The following ADH1B variants were observed in gnomAD, a reference collection of about 807,000 sequenced individuals.
The protein encoded by ADH1B is alcohol dehydrogenase 1B (class I), beta polypeptide.
A neutral mutation model predicts 34.6 loss-of-function variants in ADH1B; 29 were observed. The ratio of observed to expected loss-of-function variants is 0.84; its 90% confidence interval spans 0.62 to 1.14. The LOEUF is 1.14. Ranked by LOEUF, ADH1B falls within the 50% of genes most tolerant of loss-of-function variation. The pLI, the probability that ADH1B is intolerant of heterozygous loss-of-function variation, is 0.00. For missense variants in ADH1B, 424 were observed against 468.4 expected, an observed-to-expected ratio of 0.91 and a Z score of 0.87; for synonymous variants, 170 against 175.5, an observed-to-expected ratio of 0.97 and a Z score of 0.25.
rs191297695 is a variant in ADH1B at position 99,312,990 on chromosome 4, G to C, written c.828+831C>G. Reference sequence around the variant, plus strand: ...TGAGATACGTAGCTTTTAAATTCTGGGGGTTGGTAAAGTCTGTTGACTTTT... The same window carrying C: ...TGAGATACGTAGCTTTTAAATTCTGCGGGTTGGTAAAGTCTGTTGACTTTT... On this transcript the variant is annotated intron_variant, in intron 6 of 8. Coordinates refer to ENST00000305046, the MANE Select transcript of ADH1B (RefSeq NM_000668.6). 2.1e-3 allele frequency among the ~76,000 whole-genome samples: 319 copies of C among 152,164 alleles called. 1 individual carries two copies. The highest frequency in any genetic ancestry group is 7.6e-3 in the African/African-American group (317 of 41,518).
chr4:99,313,376 G>T (rs1487881677), intron 6 of ADH1B: 1 of 177,022 alleles, frequency 5.6e-6, no homozygotes, highest in African/African-American at 2.4e-5. Flanking sequence ...GCCTAAAATT[G>T]CTCATTTCCT....
At chr4:99,313,786 GAGGCAGAAATCT>G (rs923754714) in intron 6 of ADH1B, 23 bp downstream of exon 6, 8 of 1,613,828 alleles carry the variant, frequency 5.0e-6, no homozygotes, top group Non-Finnish European at 6.8e-6. Context: ...CCAGGTTGCA[GAGGCAGAAATCT>G]CAGGGCATGT....
rs1733628874 is a variant in ADH1B, at chr4:99,307,145, G to A, written c.*695C>T. 6.6e-6 allele frequency: 1 copy of A among 152,080 alleles called. No homozygotes were observed. The highest frequency in any genetic ancestry group is 6.6e-5 in the Admixed American group (1 of 15,258). The allele number at this position is 152,080 out of a possible 1,614,324, so 9.4% of individuals were successfully genotyped here. On this transcript the variant is annotated 3_prime_UTR_variant, in exon 9 of 9. Transcript: ENST00000305046. ...TTCAGTTTTTACAATTAGTAATTGA[G>A]GCTTTGTCATATGAAGCAAGAAATC...
chr4:99,313,449 A>G (rs887133879), intron 6 of ADH1B: 1 of 212,868 alleles, frequency 4.7e-6, no homozygotes, highest in Non-Finnish European at 9.2e-6. Flanking sequence ...AAATTGTTAA[A>G]CCATTTTTGT....
chr4:99,314,106 T>C, intron 5 of ADH1B, 25 bp from the exon 6 acceptor site: 2 of 1,610,656 alleles, frequency 1.2e-6, no homozygotes, highest in Non-Finnish European at 1.7e-6. Context: ...AATGCAAAAA[T>C]AGATTAAGTG....
chr4:99,312,061 T>C (rs188342160), intron 6 of ADH1B, among the ~76,000 whole-genome samples: 62 of 152,284 alleles, frequency 4.1e-4, no homozygotes, highest in African/African-American at 1.5e-3. Flanking sequence ...TTAAACATTG[T>C]TTTTTTACCT....
In ADH1B at chr4:99,305,926, A is replaced by G. The variant is rs1222224305; in HGVS notation, c.*1914T>C. On this transcript the variant is annotated 3_prime_UTR_variant, in exon 9 of 9. Coordinates refer to ENST00000305046, the MANE Select transcript of ADH1B (RefSeq NM_000668.6). ...TCAGTGTAAAAGCCGCAGAGCACCC[A>G]GCAACAGGTAGTGTCCCATGATGAT... The G allele has an allele frequency of 6.6e-6, 1 of 152,166 alleles. No individual in the cohort carries two copies. The highest frequency in any genetic ancestry group is 2.4e-5 in the African/African-American group (1 of 41,404). 9.4% of individuals were successfully genotyped at this position (152,166 alleles called of 1,614,324 possible).
rs545409469 is a variant in ADH1B, at chr4:99,311,586, T to G, written c.899A>C (p.Gln300Pro). ...SVIVGVPPAS[Q>P]NLSINPMLLL... Reference sequence around the variant, plus strand: ...CAGCATAGGGTTTATTGAGAGGTTCTGGGAAGCAGGAGGTACCCCTACGAT... The same window carrying G: ...CAGCATAGGGTTTATTGAGAGGTTCGGGGAAGCAGGAGGTACCCCTACGAT... Residue 300 changes from glutamine to proline, a missense_variant, in exon 7 of 9, where the codon CAG becomes CCG. Coordinates refer to ENST00000305046, the MANE Select transcript of ADH1B (RefSeq NM_000668.6). 1.6e-5 allele frequency: 26 copies of G among 1,614,112 alleles called. No homozygotes were observed. The African/African-American group carries it at 3.3e-4, about 21-fold the overall frequency.
rs1460268360 is a variant in ADH1B, at chr4:99,305,559, GTGTATA to G, written c.*2275_*2280del. On this transcript the variant is annotated 3_prime_UTR_variant, in exon 9 of 9. Transcript: ENST00000305046. ...AACTATATGAACCACTTGCCCCATA[GTGTATA>G]TATATATATATATATATATATATAT... The G allele has an allele frequency of 0.011, 462 of 43,084 alleles. 56 individuals are homozygous for G. The highest frequency in any genetic ancestry group is 0.037 in the Middle Eastern group (3 of 80). 2.7% of individuals were successfully genotyped at this position (43,084 alleles called of 1,614,324 possible). A position where few individuals can be genotyped will look rare whatever the true frequency, so the allele number is the denominator to read the frequency against.
In ADH1B at chr4:99,311,526, T is replaced by TA. The variant is rs757850592; in HGVS notation, c.958dup (p.Tyr320LeufsTer5). On this transcript the variant is annotated frameshift_variant, in exon 7 of 9. Transcript: ENST00000305046. LOFTEE classifies it high-confidence loss of function. ...ACTTGAGCCCAACTACATACCACCA[T>TA]AAACAGCCCCCTTCCAGGTGCGTCC... is the stretch of plus-strand genomic sequence containing the variant. 1 of 1,613,710 alleles carries TA rather than the reference T, an allele frequency of 6.2e-7. No homozygotes were observed. Among genetic ancestry groups the TA allele is most frequent in the Admixed American group, 1.7e-5 (1 of 59,996 alleles).
chr4:99,306,055 C>G lies in ADH1B; in HGVS notation c.*1785G>C, dbSNP rs3133155. 0.81 allele frequency: 123,308 copies of G among 152,164 alleles called. 50,034 individuals carry two copies. The highest frequency in any genetic ancestry group is 0.91 in the East Asian group (4,735 of 5,182). The allele number at this position is 152,164 out of a possible 1,614,324, so 9.4% of individuals were successfully genotyped here. A position where few individuals can be genotyped will look rare whatever the true frequency, so the allele number is the denominator to read the frequency against. ...AGTTTTGCTCTTGTCGCCTAGGCTGCTGTGCAGTGGCAAGATTTCTGCTCA... is the reference window on the plus strand; with the variant it reads ...AGTTTTGCTCTTGTCGCCTAGGCTGGTGTGCAGTGGCAAGATTTCTGCTCA... On this transcript the variant is annotated 3_prime_UTR_variant, in exon 9 of 9. Coordinates refer to ENST00000305046, the MANE Select transcript of ADH1B (RefSeq NM_000668.6).
intron 7 of ADH1B, 38 bp from the exon 8 acceptor site, chr4:99,310,941 G>A (rs1398477511): frequency 6.3e-7 from 1 of 1,596,376 alleles, no homozygotes; most frequent in African/African-American, 1.4e-5. Context: ...ATTCAGCTAG[G>A]GTAAGTAGGA....
At chr4:99,320,418 T>C (rs1353621) in intron 1 of ADH1B, 41,482 of 152,556 alleles carry the variant, frequency 0.27, 6,959 homozygotes, top group Non-Finnish European at 0.38. Context: ...AACCTTTAAA[T>C]TGAATTATCA....
chr4:99,319,013 A>T (rs776448706), intron 1 of ADH1B, 127 bp from the exon 2 acceptor site: 1 of 987,154 alleles, frequency 1.0e-6, no homozygotes. Flanking sequence ...CTCCATGGAA[A>T]TGAAGTACTC....
At chr4:99,317,936 G>T (rs376526917) in intron 3 of ADH1B, 110 bp downstream of exon 3, 1 of 1,530,100 alleles carries the variant, frequency 6.5e-7, no homozygotes, top group Non-Finnish European at 8.8e-7. Flanking sequence ...TCCTGGCTGC[G>T]CGGTGACCTT....
At position 99,307,703 on chromosome 4, in the gene ADH1B, C is replaced by T. The variant is rs964212715; in HGVS notation, c.*137G>A. On this transcript the variant is annotated 3_prime_UTR_variant, in exon 9 of 9. Coordinates refer to ENST00000305046, the MANE Select transcript of ADH1B (RefSeq NM_000668.6). ...AATAATTTCCCATCAATTTCCATTT[C>T]TTTGGAAAGCCCCCATGTGTAATTT... The T allele has an allele frequency of 3.8e-6, 4 of 1,043,792 alleles. No homozygotes were observed. The highest frequency in any genetic ancestry group is 5.3e-5 in the Admixed American group (2 of 37,420). 64.7% of individuals were successfully genotyped at this position (1,043,792 alleles called of 1,614,324 possible).
At position 99,316,206 on chromosome 4, in the gene ADH1B, G is replaced by A. The variant is rs763502168; in HGVS notation, c.347+9C>T. 1 of 1,614,160 alleles carries A rather than the reference G, an allele frequency of 6.2e-7. No individual in the cohort carries two copies. The highest frequency in any genetic ancestry group is 8.5e-7 in the Non-Finnish European group (1 of 1,180,010). ...CAAAGTCTGTGCAAAGAGAGCATCA[G>A]AAACCTACTCATTTTTCAAGCAGTA... On this transcript the variant is annotated intron_variant, in intron 4 of 8. Coordinates refer to ENST00000305046, the MANE Select transcript of ADH1B (RefSeq NM_000668.6).
rs1466373357 is a variant in ADH1B at position 99,316,261 on chromosome 4, ATT to A, written c.299_300del (p.Lys100MetfsTer5). The A allele has an allele frequency of 6.2e-7, 1 of 1,614,176 alleles. No homozygotes were observed. The highest frequency in any genetic ancestry group is 8.5e-7 in the Non-Finnish European group (1 of 1,180,018). On this transcript the variant is annotated frameshift_variant, in exon 4 of 9. Transcript: ENST00000305046. LOFTEE classifies it high-confidence loss of function. ...CTCTCCGGGTTTTTACAAACTCTGC[ATT>A]TTCCACACTGAGGAGTAAAGAGCGG... ...VIPLFTPQCG[K>X]CRVCKNPESN... is the part of the protein sequence containing the mutation.
intron 2 of ADH1B, 122 bp from the exon 3 acceptor site, chr4:99,318,306 C>G: frequency 7.8e-7 from 1 of 1,284,136 alleles, no homozygotes; most frequent in East Asian, 2.3e-5. Context: ...CTAATCCCTA[C>G]TATTCCTAAA....
Sources: allele counts gnomAD v4.1 joint callset (sites outside exome capture counted in the v4.1 genomes callset), GRCh38; gene constraint gnomAD v4.1.1; transcripts MANE v1.5; gene names NCBI Gene and HGNC (gene_info 2026-07-23, HGNC 2026-07-21).